Variants in DPP10 observed in about 807,000 individuals in gnomAD.
DPP10 encodes the protein inactive dipeptidyl peptidase 10.
A neutral mutation model predicts 120.9 loss-of-function variants in DPP10; 33 were observed. The ratio of observed to expected loss-of-function variants is 0.27; its 90% confidence interval spans 0.21 to 0.37. The LOEUF (loss-of-function observed/expected upper bound fraction) is 0.37, where lower values mean the gene tolerates loss of function less well. Among genes scored for constraint, DPP10 ranks in the 10% least tolerant of loss-of-function variants. The probability of loss-of-function intolerance (pLI) is 1.00; values close to 1 mark genes in which losing one functional copy is unlikely to be tolerated. For missense variants in DPP10, 816 were observed against 942.8 expected, an observed-to-expected ratio of 0.87 and a Z score of 1.76; for synonymous variants, 337 against 326.1, an observed-to-expected ratio of 1.03 and a Z score of -0.36.
intron 3 of DPP10, among the ~76,000 whole-genome samples, chr2:115,396,913 T>G (rs551986853): frequency 6.6e-6 from 1 of 152,082 alleles, no homozygotes; most frequent in African/African-American, 2.4e-5. Context: ...TATCTCCTTA[T>G]TTGAGGAAAG....
At chr2:115,185,959 A>G (rs2054406624) in intron 1 of DPP10, among the ~76,000 whole-genome samples, 1 of 152,256 alleles carries the variant, frequency 6.6e-6, no homozygotes, top group Non-Finnish European at 1.5e-5. Flanking sequence ...AAAGCTGATT[A>G]CAGCATAACA....
chr2:115,306,385 G>A (rs527542551), intron 1 of DPP10, among the ~76,000 whole-genome samples: 11 of 152,162 alleles, frequency 7.2e-5, no homozygotes, highest in African/African-American at 2.2e-4. Flanking sequence ...TGAGGCAAAC[G>A]TAAGGAAATG....
intron 3 of DPP10, among the ~76,000 whole-genome samples, chr2:115,429,340 G>A (rs2070764571): frequency 6.6e-6 from 1 of 151,998 alleles, no homozygotes; most frequent in African/African-American, 2.4e-5. Context: ...GAGAAAGGAG[G>A]CTCACAAGGC....
chr2:114,851,045 A>G (rs1461243704), intron 1 of DPP10, among the ~76,000 whole-genome samples: 3 of 152,184 alleles, frequency 2.0e-5, no homozygotes, highest in African/African-American at 4.8e-5. Context: ...AGAATTTTAC[A>G]TAACTGCTTC....
intron 1 of DPP10, among the ~76,000 whole-genome samples, chr2:114,468,315 C>T (rs1391695175): frequency 6.2e-5 from 9 of 145,744 alleles, no homozygotes; most frequent in Non-Finnish European, 1.3e-4. Flanking sequence ...GTAGTGTTTC[C>T]TGGCATCAGC....
At chr2:115,524,437 C>T (rs2078006761) in intron 4 of DPP10, among the ~76,000 whole-genome samples, 1 of 152,124 alleles carries the variant, frequency 6.6e-6, no homozygotes, top group Admixed American at 6.6e-5. Flanking sequence ...AAGGGGTCCC[C>T]AGCACAGGAG....
At chr2:115,709,491 A>G (rs2092245418) in intron 7 of DPP10, among the ~76,000 whole-genome samples, 1 of 152,156 alleles carries the variant, frequency 6.6e-6, no homozygotes, top group Admixed American at 6.6e-5. Context: ...ATATATCAGC[A>G]TACAAATACA....
At chr2:115,520,844 A>G (rs2077761932) in intron 4 of DPP10, among the ~76,000 whole-genome samples, 1 of 152,082 alleles carries the variant, frequency 6.6e-6, no homozygotes, top group South Asian at 2.1e-4. Flanking sequence ...CTCATTTTCT[A>G]CCTCTAGTTA....
chr2:114,615,818 A>T (rs562010030), intron 1 of DPP10, among the ~76,000 whole-genome samples: 1 of 152,160 alleles, frequency 6.6e-6, no homozygotes, highest in Non-Finnish European at 1.5e-5. Flanking sequence ...TCTGAAATGT[A>T]ATCCATTCCA....
At chr2:115,840,311 G>GTTTGTTTTTT (rs1689961762) in intron 24 of DPP10, among the ~76,000 whole-genome samples, 1 of 33,242 alleles carries the variant, frequency 3.0e-5, no homozygotes, top group African/African-American at 9.0e-5. Context: ...CAGATATAAG[G>GTTTGTTTTTT]TTTTTTGGTT....
chr2:115,618,127 G>A lies in DPP10; in HGVS notation c.442-71560G>A, dbSNP rs181622763. On this transcript the variant is annotated intron_variant, in intron 5 of 25. Coordinates refer to ENST00000410059, the MANE Select transcript of DPP10 (RefSeq NM_020868.6). ...GTTGACCTTAGGTAACTGAAACTGC[G>A]GAAAGCAAAACCAAGGATAAGGATG... Among the ~76,000 whole-genome samples the A allele has an allele frequency of 2.0e-4, 31 of 152,176 alleles. No individual in the cohort carries two copies. In the South Asian group the frequency reaches 3.3e-3, roughly 16 times the overall value.
chr2:114,790,187 C>T (rs944597572), intron 1 of DPP10, among the ~76,000 whole-genome samples: 3 of 152,210 alleles, frequency 2.0e-5, no homozygotes, highest in Non-Finnish European at 4.4e-5. Context: ...TATCCCGCAT[C>T]AGCACTTAGT....
At chr2:115,259,211 G>A (rs566357187) in intron 1 of DPP10, among the ~76,000 whole-genome samples, 1 of 152,170 alleles carries the variant, frequency 6.6e-6, no homozygotes, top group Non-Finnish European at 1.5e-5. Flanking sequence ...GGTGGGTGGG[G>A]TGGCTCACAC....
intron 5 of DPP10, among the ~76,000 whole-genome samples, chr2:115,617,271 T>TA (rs60190277): frequency 0.56 from 48,305 of 85,934 alleles, 9,742 homozygotes; most frequent in Admixed American, 0.64. Flanking sequence ...ATATATATTT[T>TA]TTATATATAT....
chr2:114,815,439 A>G (rs767918918), intron 1 of DPP10, among the ~76,000 whole-genome samples: 1 of 152,200 alleles, frequency 6.6e-6, no homozygotes, highest in African/African-American at 2.4e-5. Context: ...GAAACTTTCC[A>G]GAAACATCTG....
At chr2:114,927,197 A>T (rs1200805787) in intron 1 of DPP10, among the ~76,000 whole-genome samples, 2 of 152,130 alleles carry the variant, frequency 1.3e-5, no homozygotes, top group East Asian at 3.9e-4. Context: ...ATGGGAGTAC[A>T]TGGATGCAAC....
chr2:115,633,980 C>A (rs1296303188), intron 5 of DPP10, among the ~76,000 whole-genome samples: 1 of 152,084 alleles, frequency 6.6e-6, no homozygotes. Flanking sequence ...TTTGTTCATT[C>A]CTTTTCATTC....
chr2:114,928,063 C>T (rs1695771587), intron 1 of DPP10, among the ~76,000 whole-genome samples: 1 of 152,198 alleles, frequency 6.6e-6, no homozygotes, highest in African/African-American at 2.4e-5. Context: ...GGCCCCACCT[C>T]CAATCTCCAA....
At chr2:114,887,795 G>A (rs975265367) in intron 1 of DPP10, among the ~76,000 whole-genome samples, 7 of 152,204 alleles carry the variant, frequency 4.6e-5, no homozygotes, top group South Asian at 2.1e-4. Flanking sequence ...CTAATGGCCT[G>A]ATCTTACATT....
Sources: allele counts gnomAD v4.1 joint callset (sites outside exome capture counted in the v4.1 genomes callset), GRCh38; gene constraint gnomAD v4.1.1; transcripts MANE v1.5; gene names NCBI Gene and HGNC (gene_info 2026-07-23, HGNC 2026-07-21).